SRP68: variants seen among roughly 807,000 people sequenced by gnomAD.
The protein encoded by SRP68 is signal recognition particle 68, also known as signal recognition particle subunit SRP68.
SRP68 carries 15 observed loss-of-function variants against 82.2 expected under a neutral mutation model. That is an observed-to-expected ratio of 0.18 (90% CI 0.12 to 0.28). The LOEUF (loss-of-function observed/expected upper bound fraction) is 0.28, where lower values mean the gene tolerates loss of function less well. Among genes scored for constraint, SRP68 ranks in the 10% least tolerant of loss-of-function variants. SRP68 has a pLI of 1.00. For synonymous variants in SRP68, 261 were observed against 292.6 expected (o/e 0.89, Z 1.10); for missense variants, 595 against 780.5 (o/e 0.76, Z 2.83).
intron 7 of SRP68, among the ~76,000 whole-genome samples, chr17:76,058,338 C>G (rs1266373476): frequency 6.6e-6 from 1 of 151,936 alleles, no homozygotes; most frequent in Non-Finnish European, 1.5e-5. Flanking sequence ...TCAGACTGGT[C>G]TCGAACTCCT....
In SRP68 at chr17:76,040,425, G is replaced by A. The variant is rs765734793; in HGVS notation, c.1650C>T (p.Asp550=). The part of the protein sequence containing the change: ...QTETSSSQVK[D]NKPLVERFET... ...AACCATGGCCCAGACTTACCTTATT[G>A]TCCTTGACTTGGGAGGAGGAGGTCT... is the stretch of plus-strand genomic sequence containing the variant. Residue 550 remains aspartate (D), a synonymous_variant, in exon 15 of 16, where the codon GAC becomes GAT. Coordinates refer to ENST00000307877, the MANE Select transcript of SRP68 (RefSeq NM_014230.4). 1.9e-6 allele frequency: 3 copies of A among 1,614,044 alleles called. No homozygotes were observed.
intron 9 of SRP68, 31 bp downstream of exon 9, chr17:76,050,397 G>T: frequency 6.5e-7 from 1 of 1,539,898 alleles, no homozygotes; most frequent in Non-Finnish European, 9.0e-7. Flanking sequence ...CCCGCCCAGA[G>T]CAAGAACCAG....
intron 11 of SRP68, 119 bp downstream of exon 11, chr17:76,045,919 C>T: frequency 8.0e-7 from 1 of 1,253,606 alleles, no homozygotes; most frequent in Non-Finnish European, 1.1e-6. Context: ...TGTCTCTTCC[C>T]AGCTACTAAT....
intron 9 of SRP68, chr17:76,049,376 C>T (rs1453507681): frequency 6.6e-6 from 1 of 152,140 alleles, no homozygotes; most frequent in South Asian, 2.1e-4. Flanking sequence ...CCTTGAAAAA[C>T]AGATGGGGTT....
intron 3 of SRP68, among the ~76,000 whole-genome samples, chr17:76,066,275 A>G (rs566339387): frequency 3.1e-4 from 47 of 152,180 alleles, no homozygotes; most frequent in African/African-American, 1.1e-3. Flanking sequence ...AACATGGTGA[A>G]ACCCTGTCTC....
rs150488236 is a variant in SRP68 at position 76,071,206 on chromosome 17, T to C, written c.185-762A>G. On this transcript the variant is annotated intron_variant, in intron 1 of 15. Transcript: ENST00000307877. The surrounding 1 kb of genome is among the most constrained non-coding windows in gnomAD (Gnocchi z 4.7). ...ATCTCCAACACCTGCCAAATCTAAC[T>C]TTCCTTAACAGCTGTGATGCTTAGA... is the stretch of plus-strand genomic sequence containing the variant. 1.8e-4 allele frequency among the ~76,000 whole-genome samples: 27 copies of C among 152,342 alleles called. No individual in the cohort carries two copies. Among genetic ancestry groups the C allele is most frequent in the African/African-American group, 6.5e-4 (27 of 41,582 alleles).
At chr17:76,064,371 A>G (rs1443961648) in intron 3 of SRP68, among the ~76,000 whole-genome samples, 200 bp from the exon 4 acceptor site, 1 of 152,098 alleles carries the variant, frequency 6.6e-6, no homozygotes, top group Admixed American at 6.6e-5. Flanking sequence ...CAGGTTTCTC[A>G]TCATCTACTA....
chr17:76,062,729 T>TATATATATA (rs2066772147), intron 4 of SRP68, among the ~76,000 whole-genome samples: 1 of 14,510 alleles, frequency 6.9e-5, no homozygotes, highest in South Asian at 1.4e-3. Context: ...TATATTTATT[T>TATATATATA]TATATATATA....
intron 4 of SRP68, among the ~76,000 whole-genome samples, chr17:76,062,498 A>ACT (rs199700782): frequency 2.5e-4 from 26 of 105,790 alleles, no homozygotes; most frequent in African/African-American, 7.3e-4. Context: ...ATATATATAT[A>ACT]ATATATATAT....
chr17:76,050,602 C>T lies in SRP68; in HGVS notation c.979-76G>A. On this transcript the variant is annotated intron_variant, in intron 8 of 15. Coordinates refer to ENST00000307877, the MANE Select transcript of SRP68 (RefSeq NM_014230.4). ...TCACCTAATGGGAGAGGAGCAAAATCGCACATGGAGTCCCCCAACCACACA... is the reference window on the plus strand; with the variant it reads ...TCACCTAATGGGAGAGGAGCAAAATTGCACATGGAGTCCCCCAACCACACA... 4.0e-6 allele frequency: 4 copies of T among 1,003,520 alleles called. 1 individual carries two copies. The highest frequency in any genetic ancestry group is 2.6e-5 in the South Asian group (2 of 76,400). The allele number at this position is 1,003,520 out of a possible 1,614,324, so 62.2% of individuals were successfully genotyped here.
chr17:76,041,553 T>C (rs1011096798), intron 13 of SRP68: 10 of 152,344 alleles, frequency 6.6e-5, no homozygotes, highest in African/African-American at 2.4e-4. Flanking sequence ...ATGCCTCCAT[T>C]CTGACACTTC....
chr17:76,055,385 C>A (rs1008905631), intron 8 of SRP68, among the ~76,000 whole-genome samples: 15 of 152,052 alleles, frequency 9.9e-5, no homozygotes, highest in Non-Finnish European at 1.8e-4. Flanking sequence ...ACCTGTCACC[C>A]AAGCAGTGTA....
At chr17:76,047,193 C>T (rs893041883) in intron 10 of SRP68, among the ~76,000 whole-genome samples, 7 of 152,122 alleles carry the variant, frequency 4.6e-5, no homozygotes, top group Non-Finnish European at 7.4e-5. Context: ...CATGGCTGAC[C>T]GCAGCCTTGA....
At chr17:76,070,641 G>A (rs2066844077) in intron 1 of SRP68, among the ~76,000 whole-genome samples, 197 bp from the exon 2 acceptor site, 1 of 152,218 alleles carries the variant, frequency 6.6e-6, no homozygotes, top group Admixed American at 6.5e-5. Flanking sequence ...AGGAGTTCAA[G>A]ACCAGCCTGG....
chr17:76,061,527 T>C lies in SRP68; in HGVS notation c.609A>G (p.Glu203=), dbSNP rs2066752089. The change falls in exon 5 of 16, where the codon GAA becomes GAG. Residue 203 remains glutamate (E), a synonymous_variant. Coordinates refer to ENST00000307877, the MANE Select transcript of SRP68 (RefSeq NM_014230.4). ...TAAAAGCCTCAATGGCAGCTTTCCA[T>C]TCTTGATGTTCAAAACGTAGCATTC... The part of the protein sequence containing the change: ...LSGMLRFEHQ[E]WKAAIEAFNK... 3.1e-6 allele frequency: 5 copies of C among 1,614,022 alleles called. No homozygotes were observed. Among genetic ancestry groups the C allele is most frequent in the Non-Finnish European group, 4.2e-6 (5 of 1,179,990 alleles).
intron 2 of SRP68, 130 bp downstream of exon 2, chr17:76,070,244 GCAAA>G (rs1414236389): frequency 6.3e-5 from 30 of 478,910 alleles, no homozygotes; most frequent in East Asian, 2.6e-4. Flanking sequence ...AAAAAACAAA[GCAAA>G]CAAACAAACA....
chr17:76,046,086 G>A lies in SRP68; in HGVS notation c.1251C>T (p.Arg417=). 8 of 1,613,994 alleles carry A rather than the reference G, an allele frequency of 5.0e-6. No individual in the cohort carries two copies. The highest frequency in any genetic ancestry group is 6.8e-6 in the Non-Finnish European group (8 of 1,179,886). The change falls in exon 11 of 16, where the codon CGC becomes CGT. Residue 417 remains arginine, a synonymous_variant. Coordinates refer to ENST00000307877, the MANE Select transcript of SRP68 (RefSeq NM_014230.4). ...GGATCAGGTCCTGGGGCCGGGGTGA[G>A]CGCTTGCTGTCATCCTCTGGCTGCT... ...LQQQPEDDSK[R]SPRPQDLIRL...
At chr17:76,059,483 A>G (rs1042778826) in intron 7 of SRP68, among the ~76,000 whole-genome samples, 1 of 152,070 alleles carries the variant, frequency 6.6e-6, no homozygotes, top group African/African-American at 2.4e-5. Context: ...TGGAGGTTGC[A>G]GTGAGCCAAG....
intron 7 of SRP68, among the ~76,000 whole-genome samples, chr17:76,058,787 T>C (rs2066729934): frequency 6.6e-6 from 1 of 152,242 alleles, no homozygotes; most frequent in South Asian, 2.1e-4. Flanking sequence ...ATTCCAGTTT[T>C]AGGAATTTAT....
Sources: allele counts gnomAD v4.1 joint callset (sites outside exome capture counted in the v4.1 genomes callset), GRCh38; gene constraint gnomAD v4.1.1; non-coding constraint Gnocchi (gnomAD v3.1); transcripts MANE v1.5; gene names NCBI Gene and HGNC (gene_info 2026-07-23, HGNC 2026-07-21).